TSPEAR: variants seen among roughly 807,000 people sequenced by gnomAD.
TSPEAR encodes the protein thrombospondin-type laminin G domain and EAR repeat-containing protein.
TSPEAR carries 69 observed loss-of-function variants against 71.6 expected under a neutral mutation model. The ratio of observed to expected loss-of-function variants is 0.96; its 90% CI spans 0.79 to 1.18. The LOEUF (loss-of-function observed/expected upper bound fraction) is 1.18, where lower values mean the gene tolerates loss of function less well. TSPEAR is among the 50% of genes most tolerant of loss of function. The pLI is 0.00. For synonymous variants in TSPEAR, 402 were observed against 387.2 expected (o/e 1.04, Z -0.45); for missense variants, 971 against 894.9 (o/e 1.09, Z -1.09).
At chr21:44,672,877 T>C (rs73234814) in intron 1 of TSPEAR, among the ~76,000 whole-genome samples, 5,981 of 152,256 alleles carry the variant, frequency 0.039, 130 homozygotes, top group Middle Eastern at 0.085. Context: ...GCTCCAGCCA[T>C]GTAGGACATT....
At chr21:44,620,077 A>G (rs1202135270) in intron 1 of TSPEAR, among the ~76,000 whole-genome samples, 1 of 152,272 alleles carries the variant, frequency 6.6e-6, no homozygotes, top group Non-Finnish European at 1.5e-5. Context: ...GAGAGAATGT[A>G]AAAAGCAGTG....
chr21:44,549,874 T>G (rs1183129662), intron 2 of TSPEAR, among the ~76,000 whole-genome samples: 3 of 152,354 alleles, frequency 2.0e-5, no homozygotes, highest in African/African-American at 7.2e-5. Context: ...GCATCCCAGC[T>G]GTAAGCCTGG....
At chr21:44,689,740 T>TATATATATATATATATATA (rs1555949490) in intron 1 of TSPEAR, among the ~76,000 whole-genome samples, 167 of 124,972 alleles carry the variant, frequency 1.3e-3, no homozygotes, top group South Asian at 2.1e-3. Flanking sequence ...TATATATATA[T>TATATATATATATATATATA]TTTGGGGGGG....
At chr21:44,645,694 T>C (rs1984287930) in intron 1 of TSPEAR, among the ~76,000 whole-genome samples, 1 of 152,168 alleles carries the variant, frequency 6.6e-6, no homozygotes, top group South Asian at 2.1e-4. Flanking sequence ...TTATTTCATA[T>C]GAAGTGTACA....
intron 2 of TSPEAR, among the ~76,000 whole-genome samples, chr21:44,555,808 C>G (rs2053518720): frequency 6.6e-6 from 1 of 152,180 alleles, no homozygotes; most frequent in African/African-American, 2.4e-5. Flanking sequence ...ATGCCTGCTC[C>G]CCTTGTCCTG....
chr21:44,699,426 C>T (rs1987544411), intron 1 of TSPEAR, among the ~76,000 whole-genome samples: 1 of 151,482 alleles, frequency 6.6e-6, no homozygotes. Flanking sequence ...GGGGTGCAGC[C>T]GAAGGCCCCT....
chr21:44,595,961 C>T (rs1980339731), intron 1 of TSPEAR, among the ~76,000 whole-genome samples: 1 of 152,090 alleles, frequency 6.6e-6, no homozygotes, highest in Admixed American at 6.5e-5. Context: ...AACAAAGTAC[C>T]ACAAGCTTAG....
chr21:44,614,611 C>A (rs960047713), intron 1 of TSPEAR, among the ~76,000 whole-genome samples: 1 of 152,220 alleles, frequency 6.6e-6, no homozygotes, highest in African/African-American at 2.4e-5. Flanking sequence ...TCTGACGGGG[C>A]CTGCCTGGGG....
At chr21:44,667,412 CT>C (rs1178004500) in intron 1 of TSPEAR, among the ~76,000 whole-genome samples, 1 of 152,214 alleles carries the variant, frequency 6.6e-6, no homozygotes, top group East Asian at 1.9e-4. Flanking sequence ...ATGGAAATCA[CT>C]TGTCCATAGG....
chr21:44,528,324 C>G (rs1167331471), intron 6 of TSPEAR, 128 bp downstream of exon 6: 2 of 1,369,202 alleles, frequency 1.5e-6, no homozygotes, highest in African/African-American at 2.9e-5. Context: ...AGAAGTGCCC[C>G]AGCCTGACGG....
chr21:44,590,037 C>G (rs900572859), intron 1 of TSPEAR, among the ~76,000 whole-genome samples: 1 of 152,184 alleles, frequency 6.6e-6, no homozygotes, highest in Non-Finnish European at 1.5e-5. Flanking sequence ...GGCCTCCGGC[C>G]CTGGGGACGG....
intron 1 of TSPEAR, chr21:44,654,211 C>G (rs981295883): frequency 1.5e-6 from 2 of 1,329,112 alleles, no homozygotes; most frequent in Non-Finnish European, 1.1e-6. Context: ...GACTGCCTGG[C>G]AGGAGTTCAG....
chr21:44,665,335 C>T (rs1329347249), intron 1 of TSPEAR, among the ~76,000 whole-genome samples: 3 of 152,214 alleles, frequency 2.0e-5, no homozygotes, highest in Admixed American at 6.5e-5. Context: ...TCTGGAATAG[C>T]AGACTCCTGG....
intron 1 of TSPEAR, among the ~76,000 whole-genome samples, chr21:44,703,901 C>G (rs2329895): frequency 0.3 from 45,041 of 152,088 alleles, 7,518 homozygotes; most frequent in Non-Finnish European, 0.38. Context: ...GCTCCTGAGT[C>G]CCCCCAGCTG....
chr21:44,598,798 C>T (rs1320794289), intron 1 of TSPEAR, among the ~76,000 whole-genome samples: 2 of 152,118 alleles, frequency 1.3e-5, no homozygotes, highest in Admixed American at 1.3e-4. Context: ...GCATTTTTAT[C>T]CTTCCGTCAT....
At chr21:44,591,531 C>T (rs782172745) in intron 1 of TSPEAR, 2 of 1,613,080 alleles carry the variant, frequency 1.2e-6, no homozygotes, top group East Asian at 4.5e-5. Flanking sequence ...AGGGGACGGG[C>T]ACGCAGCAGG....
intron 1 of TSPEAR, among the ~76,000 whole-genome samples, chr21:44,609,949 T>C (rs797040784): frequency 3.9e-5 from 6 of 152,248 alleles, no homozygotes; most frequent in African/African-American, 1.2e-4. Flanking sequence ...AGATCATACC[T>C]GAAATTGAAA....
Position 44,593,782 on chromosome 21 carries a change from C to T in TSPEAR, c.83-25777G>A, listed in dbSNP as rs1161184175. On this transcript the variant is annotated intron_variant, in intron 1 of 11. Transcript: ENST00000323084. This position sits in a 1 kb window ranked among gnomAD's most constrained non-coding sequence, Gnocchi z 5.9. ...GAGGACGGACTCTGCTCTCACGCCA[C>T]AGCTGCTGTTTTTCTACAGTGGCTA... Among the ~76,000 whole-genome samples, 1 of 152,228 alleles carries T rather than the reference C, an allele frequency of 6.6e-6. No homozygotes were observed. Among genetic ancestry groups the T allele is most frequent in the Non-Finnish European group, 1.5e-5 (1 of 68,046 alleles).
intron 1 of TSPEAR, among the ~76,000 whole-genome samples, chr21:44,620,696 C>T (rs1982383151): frequency 6.6e-6 from 1 of 152,208 alleles, no homozygotes; most frequent in Non-Finnish European, 1.5e-5. Flanking sequence ...TTTCTACCTT[C>T]TGCTAAATTT....
Sources: gnomAD v4.1 joint callset for allele counts (sites outside exome capture counted in the v4.1 genomes callset) on GRCh38, gnomAD v4.1.1 for gene constraint, Gnocchi (gnomAD v3.1) non-coding constraint, MANE v1.5 for transcripts, NCBI Gene and HGNC (gene_info 2026-07-23, HGNC 2026-07-21) for gene names.